DIP2C: variants seen among roughly 807,000 people sequenced by gnomAD.
The protein encoded by DIP2C is DIP2 acetate--CoA ligase C (putative).
In DIP2C, 33 loss-of-function variants were observed where a neutral mutation model predicts 192.4. The ratio of observed to expected loss-of-function variants is 0.17; its 90% CI spans 0.13 to 0.23. The LOEUF is 0.23. Among genes scored for constraint, DIP2C ranks in the 10% least tolerant of loss-of-function variants. DIP2C has a pLI of 1.00. For synonymous variants in DIP2C, 979 were observed against 864.1 expected (o/e 1.13, Z -2.33); for missense variants, 1,537 against 2,110.1 (o/e 0.73, Z 5.32).
chr10:683,834 C>A (rs1831218788), intron 1 of DIP2C, among the ~76,000 whole-genome samples: 1 of 152,172 alleles, frequency 6.6e-6, no homozygotes, highest in South Asian at 2.1e-4. Flanking sequence ...TAAAAAAAAT[C>A]AGTTCTAAAA....
intron 34 of DIP2C, among the ~76,000 whole-genome samples, chr10:284,702 T>C (rs1042447416): frequency 1.3e-5 from 2 of 152,178 alleles, no homozygotes; most frequent in African/African-American, 4.8e-5. Flanking sequence ...ACTATATCAC[T>C]TAATTGAAAT....
Position 390,843 on chromosome 10 carries a change from T to C in DIP2C, c.1281A>G (p.Ile427Met). 6.2e-7 allele frequency: 1 copy of C among 1,614,066 alleles called. No homozygotes were observed. The highest frequency in any genetic ancestry group is 8.5e-7 in the Non-Finnish European group (1 of 1,179,998). Residue 427 changes from isoleucine to methionine, a missense_variant, in exon 11 of 37, where the codon ATA (isoleucine) becomes ATG (methionine). Transcript: ENST00000280886. ...LTRKDAGSQQ[I>M]GFLLGSCGVT... is the part of the protein sequence containing the mutation. Reference sequence around the variant, plus strand: ...CTCCACAGCTTCCAAGCAAGAAACCTATCTGCTGGCTCCCTGCGTCCTGAG... The same window carrying C: ...CTCCACAGCTTCCAAGCAAGAAACCCATCTGCTGGCTCCCTGCGTCCTGAG...
intron 1 of DIP2C, among the ~76,000 whole-genome samples, chr10:519,254 G>A (rs1344645035): frequency 1.3e-5 from 2 of 152,212 alleles, no homozygotes; most frequent in Non-Finnish European, 2.9e-5. Flanking sequence ...GAAGGCAGAG[G>A]AAGCTGTGAA....
chr10:600,992 A>G (rs1037621493), intron 1 of DIP2C, among the ~76,000 whole-genome samples: 1 of 152,180 alleles, frequency 6.6e-6, no homozygotes, highest in Non-Finnish European at 1.5e-5. Context: ...CAGCCTTGCC[A>G]AGACTCATGG....
intron 34 of DIP2C, among the ~76,000 whole-genome samples, chr10:285,505 C>G (rs981835077): frequency 1.3e-5 from 2 of 152,194 alleles, no homozygotes; most frequent in East Asian, 3.9e-4. Context: ...GTGCTGCCAC[C>G]GTGGGAGGAG....
intron 32 of DIP2C, among the ~76,000 whole-genome samples, chr10:306,741 G>C (rs532159397): frequency 1.3e-5 from 2 of 152,348 alleles, no homozygotes; most frequent in African/African-American, 4.8e-5. Flanking sequence ...TGGATCAGAA[G>C]AGGTGAGTCC....
intron 4 of DIP2C, among the ~76,000 whole-genome samples, chr10:423,706 G>A (rs1430573316): frequency 1.3e-5 from 2 of 151,560 alleles, no homozygotes; most frequent in Non-Finnish European, 2.9e-5. Context: ...CCATGCAGCT[G>A]ATTTATTTCT....
intron 1 of DIP2C, among the ~76,000 whole-genome samples, chr10:596,154 A>G (rs1354173451): frequency 3.3e-5 from 5 of 152,308 alleles, no homozygotes; most frequent in South Asian, 4.1e-4. Context: ...AAGGTCACAG[A>G]TAACGTTTTA....
chr10:475,587 T>G (rs879703302), intron 2 of DIP2C, among the ~76,000 whole-genome samples: 2 of 152,180 alleles, frequency 1.3e-5, no homozygotes, highest in African/African-American at 2.4e-5. Context: ...AAGCTACTTT[T>G]GCATACCATC....
At chr10:314,641 G>A (rs1015937071) in intron 31 of DIP2C, among the ~76,000 whole-genome samples, 2 of 152,186 alleles carry the variant, frequency 1.3e-5, no homozygotes, top group Non-Finnish European at 2.9e-5. Context: ...CTGGCGATAC[G>A]AGTCCCTCTG....
At chr10:489,752 GCT>G (rs1844298601) in intron 1 of DIP2C, among the ~76,000 whole-genome samples, 1 of 122,312 alleles carries the variant, frequency 8.2e-6, no homozygotes, top group Admixed American at 7.8e-5. Flanking sequence ...GGACACGGTG[GCT>G]CTGACGGTGC....
intron 29 of DIP2C, among the ~76,000 whole-genome samples, chr10:338,906 A>G: frequency 7.3e-6 from 1 of 137,220 alleles, no homozygotes; most frequent in African/African-American, 2.8e-5. Flanking sequence ...TGGCTCCCAC[A>G]GCCCACGCCA....
In DIP2C at chr10:363,503, C is replaced by G. The variant is rs1250682368; in HGVS notation, c.2478-192G>C. Among the ~76,000 whole-genome samples, 1 of 152,194 alleles carries G rather than the reference C, an allele frequency of 6.6e-6. No homozygotes were observed. Among genetic ancestry groups the G allele is most frequent in the Non-Finnish European group, 1.5e-5 (1 of 68,026 alleles). On this transcript the variant is annotated intron_variant, in intron 20 of 36. Transcript: ENST00000280886. This position sits in a 1 kb window ranked among gnomAD's most constrained non-coding sequence, Gnocchi z 5.4. Reference sequence around the variant, plus strand: ...GAACTGTGGGAGGCGCCCAGGGATGCTGCCGAGGCAAGGTCACCCTGATCC... The same window carrying G: ...GAACTGTGGGAGGCGCCCAGGGATGGTGCCGAGGCAAGGTCACCCTGATCC...
chr10:573,514 T>G (rs936928158), intron 1 of DIP2C, among the ~76,000 whole-genome samples: 2 of 152,180 alleles, frequency 1.3e-5, no homozygotes, highest in African/African-American at 4.8e-5. Context: ...GCTCAAGCGA[T>G]TCTCTTACTT....
At chr10:615,790 C>T (rs1391735529) in intron 1 of DIP2C, among the ~76,000 whole-genome samples, 2 of 152,134 alleles carry the variant, frequency 1.3e-5, no homozygotes, top group African/African-American at 2.4e-5. Flanking sequence ...GCGTCTCATG[C>T]GTGAGATTAC....
intron 24 of DIP2C, among the ~76,000 whole-genome samples, chr10:349,934 C>A (rs183026875): frequency 2.0e-5 from 3 of 152,112 alleles, no homozygotes; most frequent in African/African-American, 7.2e-5. Flanking sequence ...AACAAACACA[C>A]CCTACAGGAA....
At chr10:529,426 G>A (rs909681971) in intron 1 of DIP2C, among the ~76,000 whole-genome samples, 1 of 152,152 alleles carries the variant, frequency 6.6e-6, no homozygotes, top group African/African-American at 2.4e-5. Flanking sequence ...TATTCACCAC[G>A]TTGCCATGCT....
At chr10:367,639 T>G (rs914877139) in intron 18 of DIP2C, among the ~76,000 whole-genome samples, 3 of 152,086 alleles carry the variant, frequency 2.0e-5, no homozygotes, top group African/African-American at 7.2e-5. Flanking sequence ...TAGAACTGTT[T>G]CCATTAGACA....
chr10:300,360 G>A (rs3132008), intron 32 of DIP2C, among the ~76,000 whole-genome samples: 48,318 of 152,002 alleles, frequency 0.32, 8,287 homozygotes, highest in East Asian at 0.51. Context: ...CAACCTTGAG[G>A]ACATTATGCT....
Sources: allele counts gnomAD v4.1 joint callset (sites outside exome capture counted in the v4.1 genomes callset), GRCh38; gene constraint gnomAD v4.1.1; non-coding constraint Gnocchi (gnomAD v3.1); transcripts MANE v1.5; gene names NCBI Gene and HGNC (gene_info 2026-07-23, HGNC 2026-07-21).